Variants in MAGI2 observed in about 807,000 individuals in gnomAD.
MAGI2 encodes membrane-associated guanylate kinase, WW and PDZ domain-containing protein 2.
Under a neutral mutation model 133.3 loss-of-function variants are expected in MAGI2, and 35 were observed. That is an observed-to-expected ratio of 0.26 (90% CI 0.20 to 0.35). The LOEUF is 0.35. Ranked by LOEUF, MAGI2 falls within the 10% of genes least tolerant of loss-of-function variation. The pLI is 1.00. For missense variants in MAGI2, 1,636 were observed against 1,863.4 expected (o/e 0.88, Z 2.25); for synonymous variants, 729 against 710.6 (o/e 1.03, Z -0.41).
At chr7:79,393,576 T>C (rs1844826886) in intron 1 of MAGI2, among the ~76,000 whole-genome samples, 1 of 152,204 alleles carries the variant, frequency 6.6e-6, no homozygotes, top group South Asian at 2.1e-4. Context: ...CAGTTGCGTA[T>C]ATGAAACTTC....
intron 10 of MAGI2, among the ~76,000 whole-genome samples, chr7:78,202,151 A>G (rs530688517): frequency 3.9e-4 from 59 of 152,266 alleles, no homozygotes; most frequent in Non-Finnish European, 6.9e-4. Flanking sequence ...TTCTGATAAA[A>G]TCCCTAATAA....
chr7:78,669,572 G>A (rs1316479725), intron 2 of MAGI2, among the ~76,000 whole-genome samples: 1 of 152,098 alleles, frequency 6.6e-6, no homozygotes, highest in African/African-American at 2.4e-5. Flanking sequence ...CTCATTTTAT[G>A]AGGCCAGCAT....
At chr7:78,968,372 T>C (rs955423747) in intron 2 of MAGI2, among the ~76,000 whole-genome samples, 2 of 152,018 alleles carry the variant, frequency 1.3e-5, no homozygotes, top group Non-Finnish European at 1.5e-5. Context: ...TTAGGTCTTC[T>C]AATCTATGAA....
intron 2 of MAGI2, among the ~76,000 whole-genome samples, chr7:78,722,216 T>C (rs991746473): frequency 6.6e-6 from 1 of 151,750 alleles, no homozygotes; most frequent in African/African-American, 2.4e-5. Context: ...TAAATAGCAG[T>C]AATAATATGG....
At chr7:78,463,612 G>A (rs1790302766) in intron 6 of MAGI2, among the ~76,000 whole-genome samples, 2 of 152,182 alleles carry the variant, frequency 1.3e-5, no homozygotes, top group South Asian at 4.1e-4. Context: ...ATATAAGCGG[G>A]AGAGCAAAGA....
intron 20 of MAGI2, among the ~76,000 whole-genome samples, chr7:78,080,453 C>G (rs1019916258): frequency 1.8e-4 from 27 of 152,170 alleles, no homozygotes; most frequent in Non-Finnish European, 8.8e-5. Context: ...TCTGAGGCAA[C>G]GGGCATAACT....
intron 21 of MAGI2, among the ~76,000 whole-genome samples, chr7:78,039,216 T>G (rs1238689532): frequency 6.6e-6 from 1 of 152,188 alleles, no homozygotes; most frequent in Non-Finnish European, 1.5e-5. Context: ...ATACAGGCTC[T>G]TCTTTGAAAA....
Position 78,362,417 on chromosome 7 carries a change from A to C in MAGI2, c.1103+6739T>G, listed in dbSNP as rs1444913408. Among the ~76,000 whole-genome samples, 4 of 152,214 alleles carry C rather than the reference A, an allele frequency of 2.6e-5. No homozygotes were observed. The East Asian group carries it at 7.7e-4, about 29-fold the overall frequency. On this transcript the variant is annotated intron_variant, in intron 7 of 21. Coordinates refer to ENST00000354212, the MANE Select transcript of MAGI2 (RefSeq NM_012301.4). ...GAGCCAGTTGAAGTTTTCATGAGTG[A>C]GTAGTACAGAGGGTCGGGGAGGTAA...
At chr7:78,237,025 T>C (rs1361972700) in intron 10 of MAGI2, among the ~76,000 whole-genome samples, 3 of 152,234 alleles carry the variant, frequency 2.0e-5, no homozygotes, top group Middle Eastern at 3.4e-3. Context: ...GATTCAGTTA[T>C]CTCTCACCAG....
At chr7:79,049,283 T>C (rs1812464387) in intron 1 of MAGI2, among the ~76,000 whole-genome samples, 1 of 152,218 alleles carries the variant, frequency 6.6e-6, no homozygotes, top group Non-Finnish European at 1.5e-5. Flanking sequence ...AGACTTTTTT[T>C]TCCCCCTGCC....
At chr7:78,657,895 T>C (rs1377340917) in intron 2 of MAGI2, among the ~76,000 whole-genome samples, 3 of 152,178 alleles carry the variant, frequency 2.0e-5, no homozygotes, top group Admixed American at 6.5e-5. Context: ...GCTATGCATA[T>C]ATGAAGGTGG....
At chr7:78,788,049 G>C (rs1192429450) in intron 2 of MAGI2, among the ~76,000 whole-genome samples, 1 of 152,078 alleles carries the variant, frequency 6.6e-6, no homozygotes, top group Non-Finnish European at 1.5e-5. Context: ...TGATGCCAAG[G>C]CACAGACATG....
intron 9 of MAGI2, among the ~76,000 whole-genome samples, chr7:78,299,709 T>C (rs1188928780): frequency 6.6e-6 from 1 of 152,114 alleles, no homozygotes; most frequent in Non-Finnish European, 1.5e-5. Flanking sequence ...CACCCAGGTA[T>C]TAAGCCCGGT....
At chr7:78,906,105 G>T (rs939907907) in intron 2 of MAGI2, among the ~76,000 whole-genome samples, 1 of 152,176 alleles carries the variant, frequency 6.6e-6, no homozygotes, top group Non-Finnish European at 1.5e-5. Context: ...ATTTCTGAAT[G>T]TAGTCAGCTA....
At chr7:78,185,851 C>T (rs1222416455) in intron 12 of MAGI2, among the ~76,000 whole-genome samples, 181 bp from the exon 13 acceptor site, 1 of 152,018 alleles carries the variant, frequency 6.6e-6, no homozygotes, top group East Asian at 1.9e-4. Context: ...TACGTATGAG[C>T]ATGTATGTAA....
chr7:79,125,732 AG>A, intron 1 of MAGI2: 2 of 522,976 alleles, frequency 3.8e-6, no homozygotes, highest in South Asian at 2.8e-5. Context: ...ATGATGGCCA[AG>A]GCCAATACTT....
At chr7:78,342,162 T>A (rs1790447332) in intron 9 of MAGI2, among the ~76,000 whole-genome samples, 1 of 151,372 alleles carries the variant, frequency 6.6e-6, no homozygotes, top group African/African-American at 2.4e-5. Flanking sequence ...GAACAGACAC[T>A]TCTCAAAAGA....
intron 6 of MAGI2, among the ~76,000 whole-genome samples, chr7:78,373,774 AGT>A (rs1794171486): frequency 6.6e-6 from 1 of 152,000 alleles, no homozygotes; most frequent in South Asian, 2.1e-4. Context: ...AGTAGTCCCA[AGT>A]GTCTATTGTT....
chr7:78,713,964 C>T (rs1232399426), intron 2 of MAGI2, among the ~76,000 whole-genome samples: 2 of 151,326 alleles, frequency 1.3e-5, no homozygotes, highest in Non-Finnish European at 2.9e-5. Context: ...TATTTCTTTT[C>T]GGCTTGGGTA....
Sources: allele counts gnomAD v4.1 joint callset (sites outside exome capture counted in the v4.1 genomes callset), GRCh38; gene constraint gnomAD v4.1.1; transcripts MANE v1.5; gene names NCBI Gene and HGNC (gene_info 2026-07-23, HGNC 2026-07-21).